The following ASTN2 variants were observed in gnomAD, a reference collection of about 807,000 sequenced individuals.
The protein encoded by ASTN2 is astrotactin-2.
A neutral mutation model predicts 139.8 loss-of-function variants in ASTN2; 54 were observed. The ratio of observed to expected loss-of-function variants is 0.39; its 90% CI spans 0.31 to 0.48. The LOEUF (loss-of-function observed/expected upper bound fraction) is 0.48, where lower values mean the gene tolerates loss of function less well. Among genes scored for constraint, ASTN2 ranks in the 20% least tolerant of loss-of-function variants. The probability of loss-of-function intolerance (pLI) is 0.95; values close to 1 mark genes in which losing one functional copy is unlikely to be tolerated. For missense variants in ASTN2, 1,565 were observed against 1,725.1 expected (o/e 0.91, Z 1.64); for synonymous variants, 756 against 719.5 (o/e 1.05, Z -0.81).
intron 5 of ASTN2, among the ~76,000 whole-genome samples, chr9:117,094,172 AAGGG>A (rs1351300962): frequency 2.9e-5 from 3 of 102,012 alleles, no homozygotes; most frequent in Admixed American, 1.0e-4. Flanking sequence ...GGAAGGGAGG[AAGGG>A]AGGGAGGGAG....
chr9:116,841,222 C>T (rs902675219), intron 11 of ASTN2, among the ~76,000 whole-genome samples: 6 of 152,148 alleles, frequency 3.9e-5, no homozygotes, highest in African/African-American at 1.4e-4. Context: ...CAAGAAAATA[C>T]GAAAACCAGT....
intron 13 of ASTN2, among the ~76,000 whole-genome samples, chr9:116,745,571 G>A (rs1222140798): frequency 1.3e-5 from 2 of 152,060 alleles, no homozygotes; most frequent in Non-Finnish European, 2.9e-5. Context: ...AGATTCAATG[G>A]TCAATGCTGC....
intron 16 of ASTN2, among the ~76,000 whole-genome samples, chr9:116,679,763 C>CTGAA (rs1418381355): frequency 6.6e-6 from 1 of 152,170 alleles, no homozygotes; most frequent in African/African-American, 2.4e-5. Flanking sequence ...CAACCTGCTC[C>CTGAA]TGAATGACTA....
chr9:117,176,679 AC>A, intron 3 of ASTN2, among the ~76,000 whole-genome samples: 1 of 152,252 alleles, frequency 6.6e-6, no homozygotes, highest in South Asian at 2.1e-4. Flanking sequence ...ACACCTCTAA[AC>A]CCCACAACTT....
chr9:116,776,478 C>A (rs1830091435), intron 13 of ASTN2, among the ~76,000 whole-genome samples: 1 of 152,184 alleles, frequency 6.6e-6, no homozygotes, highest in African/African-American at 2.4e-5. Flanking sequence ...GAATTGCAAT[C>A]CAAGTGTCCG....
chr9:117,335,423 G>A (rs756193327), intron 1 of ASTN2, among the ~76,000 whole-genome samples: 3 of 152,214 alleles, frequency 2.0e-5, no homozygotes, highest in Non-Finnish European at 4.4e-5. Flanking sequence ...TAGGAAGACA[G>A]TCTGATCATA....
intron 13 of ASTN2, among the ~76,000 whole-genome samples, chr9:116,801,585 C>CAAAAAAAAAAAAAAAAAAAAAAAA (rs397893932): frequency 3.3e-5 from 2 of 60,364 alleles, no homozygotes; most frequent in Admixed American, 2.7e-4. Flanking sequence ...GGCTCTGTCT[C>CAAAAAAAAAAAAAAAAAAAAAAAA]AAAAAAAAAA....
intron 10 of ASTN2, among the ~76,000 whole-genome samples, chr9:116,965,790 G>A (rs1835995790): frequency 6.6e-6 from 1 of 152,174 alleles, no homozygotes; most frequent in Non-Finnish European, 1.5e-5. Context: ...TGAGGGAGAA[G>A]CCATGGAATG....
intron 10 of ASTN2, among the ~76,000 whole-genome samples, chr9:116,905,361 C>T (rs943119526): frequency 4.6e-5 from 7 of 152,086 alleles, no homozygotes; most frequent in African/African-American, 9.7e-5. Context: ...TAAAAGGAGA[C>T]GAAGGGCCTG....
intron 13 of ASTN2, among the ~76,000 whole-genome samples, chr9:116,803,084 G>T (rs1830910868): frequency 6.6e-6 from 1 of 151,986 alleles, no homozygotes; most frequent in African/African-American, 2.4e-5. Flanking sequence ...TTTAAAACTT[G>T]TGTGTGTCAT....
chr9:116,464,068 A>G (rs1848577780), intron 20 of ASTN2, among the ~76,000 whole-genome samples: 1 of 152,052 alleles, frequency 6.6e-6, no homozygotes, highest in South Asian at 2.1e-4. Context: ...CTATATAGCC[A>G]GAATCTGACA....
chr9:116,632,357 C>A (rs1856849864), intron 17 of ASTN2, among the ~76,000 whole-genome samples: 1 of 150,832 alleles, frequency 6.6e-6, no homozygotes, highest in African/African-American at 2.4e-5. Context: ...CCTGTAATCT[C>A]AGCACTTTAA....
rs563966212 is a variant in ASTN2 at position 116,664,641 on chromosome 9, G to GA, written c.2807-12849dup. ...ACATACTTTTTTTTAAAGCACAAAA[G>GA]AAAAAAAAAAACAATCTCTACAAAT... On this transcript the variant is annotated intron_variant, in intron 16 of 22. Transcript: ENST00000313400. Among the ~76,000 whole-genome samples the GA allele has an allele frequency of 5.9e-3, 744 of 125,512 alleles. 3 individuals carry two copies. Among genetic ancestry groups the GA allele is most frequent in the African/African-American group, 0.019 (661 of 34,018 alleles). The allele number at this position is 125,512 out of a possible 152,430, so 82.3% of individuals were successfully genotyped here.
At chr9:116,637,503 T>TAGTA (rs1306487126) in intron 17 of ASTN2, among the ~76,000 whole-genome samples, 1 of 152,186 alleles carries the variant, frequency 6.6e-6, no homozygotes, top group Non-Finnish European at 1.5e-5. Context: ...GAGACAAAAG[T>TAGTA]AGTATTTAAA....
chr9:116,894,898 A>T (rs1328036625), intron 10 of ASTN2, among the ~76,000 whole-genome samples: 3 of 152,204 alleles, frequency 2.0e-5, no homozygotes, highest in Non-Finnish European at 4.4e-5. Flanking sequence ...TCCACAATAG[A>T]TACTATGATG....
chr9:117,221,766 C>T (rs751573122), intron 2 of ASTN2, among the ~76,000 whole-genome samples: 9 of 151,570 alleles, frequency 5.9e-5, no homozygotes, highest in Admixed American at 1.3e-4. Context: ...CCAAGTGATC[C>T]GAGACGTCTC....
At chr9:117,118,668 C>A (rs1230012926) in intron 4 of ASTN2, among the ~76,000 whole-genome samples, 1 of 152,284 alleles carries the variant, frequency 6.6e-6, no homozygotes, top group East Asian at 1.9e-4. Context: ...ACTCCAAAAT[C>A]CACAGCTGGA....
At chr9:117,195,423 G>T (rs1186176068) in intron 3 of ASTN2, among the ~76,000 whole-genome samples, 2 of 152,180 alleles carry the variant, frequency 1.3e-5, no homozygotes, top group Non-Finnish European at 2.9e-5. Context: ...GGACTGTTGT[G>T]ACTGGAGTGA....
intron 1 of ASTN2, among the ~76,000 whole-genome samples, chr9:117,358,035 T>C (rs1056957884): frequency 5.3e-5 from 8 of 152,214 alleles, no homozygotes; most frequent in African/African-American, 1.9e-4. Flanking sequence ...CTTTTAATAC[T>C]GAACACGTGG....
Sources: allele counts gnomAD v4.1 joint callset (sites outside exome capture counted in the v4.1 genomes callset), GRCh38; gene constraint gnomAD v4.1.1; transcripts MANE v1.5; gene names NCBI Gene and HGNC (gene_info 2026-07-23, HGNC 2026-07-21).